NXPH1: variants seen among roughly 807,000 people sequenced by gnomAD.
NXPH1 encodes neurexophilin-1.
NXPH1 carries 5 observed loss-of-function variants against 23.7 expected under a neutral mutation model. The observed-to-expected ratio is 0.21, with a 90% CI of 0.11 to 0.44. NXPH1 has a LOEUF of 0.44. Ranked by LOEUF, NXPH1 falls within the 20% of genes least tolerant of loss-of-function variation. The pLI is 0.99. For missense variants in NXPH1, 324 were observed against 321.6 expected, an observed-to-expected ratio of 1.01 and a Z score of -0.06; for synonymous variants, 144 against 122.2, an observed-to-expected ratio of 1.18 and a Z score of -1.18.
chr7:8,739,190 A>AAAC (rs1780317984), intron 2 of NXPH1, among the ~76,000 whole-genome samples: 1 of 150,302 alleles, frequency 6.7e-6, no homozygotes, highest in African/African-American at 2.4e-5. Context: ...AAAAAAAAAA[A>AAAC]AAAAAAAAAA....
At chr7:8,501,182 G>C (rs1349748520) in intron 2 of NXPH1, among the ~76,000 whole-genome samples, 1 of 152,016 alleles carries the variant, frequency 6.6e-6, no homozygotes, top group Non-Finnish European at 1.5e-5. Context: ...CTAGGGATCT[G>C]CCTTTTCTAA....
intron 2 of NXPH1, among the ~76,000 whole-genome samples, chr7:8,610,922 G>A (rs755455620): frequency 6.6e-6 from 1 of 151,970 alleles, no homozygotes; most frequent in Non-Finnish European, 1.5e-5. Context: ...CAAGTGTGCT[G>A]GGAGGGTATC....
chr7:8,642,844 A>T (rs1446866871), intron 2 of NXPH1, among the ~76,000 whole-genome samples: 1 of 151,758 alleles, frequency 6.6e-6, no homozygotes, highest in Non-Finnish European at 1.5e-5. Flanking sequence ...ATGTCTGGGC[A>T]TATACTTTTT....
intron 2 of NXPH1, among the ~76,000 whole-genome samples, chr7:8,613,005 A>G (rs1271828857): frequency 2.6e-5 from 4 of 152,070 alleles, no homozygotes; most frequent in Admixed American, 2.0e-4. Context: ...TGAAAAAATA[A>G]TAATAAAGAT....
At chr7:8,607,847 T>G (rs920683286) in intron 2 of NXPH1, among the ~76,000 whole-genome samples, 14 of 152,208 alleles carry the variant, frequency 9.2e-5, no homozygotes, top group African/African-American at 2.9e-4. Flanking sequence ...TAAATTAAGA[T>G]GAAGTCGTAC....
At chr7:8,730,822 G>T (rs1388791914) in intron 2 of NXPH1, among the ~76,000 whole-genome samples, 2 of 150,366 alleles carry the variant, frequency 1.3e-5, no homozygotes, top group Non-Finnish European at 3.0e-5. Flanking sequence ...ATGTGTCTTG[G>T]AGTTGCTCTT....
rs1009668223 is a variant in NXPH1 at position 8,542,320 on chromosome 7, C to T, written c.54+106553C>T. On this transcript the variant is annotated intron_variant, in intron 2 of 2. Coordinates refer to ENST00000405863, the MANE Select transcript of NXPH1 (RefSeq NM_152745.3). The stretch of plus-strand genomic sequence containing the variant: ...AGCATTTATGTATCTAATTTCAGAG[C>T]TTCAAAATACATGAAGCAAAAATTG... 2.0e-5 allele frequency among the ~76,000 whole-genome samples: 3 copies of T among 151,466 alleles called. No individual in the cohort carries two copies. The East Asian group carries it at 5.9e-4, about 30-fold the overall frequency.
At chr7:8,705,704 G>T (rs1779692968) in intron 2 of NXPH1, among the ~76,000 whole-genome samples, 1 of 152,072 alleles carries the variant, frequency 6.6e-6, no homozygotes. Flanking sequence ...ATTGATCTGG[G>T]CAATAGTTTT....
At chr7:8,695,923 A>G (rs1370571596) in intron 2 of NXPH1, among the ~76,000 whole-genome samples, 1 of 152,138 alleles carries the variant, frequency 6.6e-6, no homozygotes, top group Non-Finnish European at 1.5e-5. Context: ...TCTTCTTTTT[A>G]AAAATATTGA....
intron 2 of NXPH1, among the ~76,000 whole-genome samples, chr7:8,470,033 C>A (rs1228649500): frequency 1.3e-5 from 2 of 152,118 alleles, no homozygotes; most frequent in Admixed American, 1.3e-4. Flanking sequence ...ATACATTAGA[C>A]AATATGGATT....
chr7:8,568,327 T>G (rs1053244515), intron 2 of NXPH1, among the ~76,000 whole-genome samples: 6 of 151,950 alleles, frequency 3.9e-5, no homozygotes, highest in African/African-American at 1.4e-4. Flanking sequence ...TGTATTTTCT[T>G]TAGCTACATT....
In NXPH1 at chr7:8,573,052, T is replaced by C. The variant is rs528556397; in HGVS notation, c.54+137285T>C. Among the ~76,000 whole-genome samples the C allele has an allele frequency of 5.6e-4, 85 of 152,074 alleles. 1 individual carries two copies. The highest frequency in any genetic ancestry group is 2.0e-3 in the African/African-American group (82 of 41,522). On this transcript the variant is annotated intron_variant, in intron 2 of 2. Coordinates refer to ENST00000405863, the MANE Select transcript of NXPH1 (RefSeq NM_152745.3). Reference sequence around the variant, plus strand: ...ATCTCAAGACCTAGAAATACTGATATTGTTTTGATATATTTCCATCCAGTC... The same window carrying C: ...ATCTCAAGACCTAGAAATACTGATACTGTTTTGATATATTTCCATCCAGTC...
intron 2 of NXPH1, among the ~76,000 whole-genome samples, chr7:8,470,832 C>T (rs910798625): frequency 7.9e-5 from 12 of 152,138 alleles, no homozygotes; most frequent in African/African-American, 2.6e-4. Context: ...GAACAGTCTT[C>T]GTCTTCACCA....
Position 8,572,386 on chromosome 7 carries a change from A to C in NXPH1, c.54+136619A>C, listed in dbSNP as rs574927922. ...ATTCAATTTGGAGAAAAAGAAACAG[A>C]ACAAGCTTGCTGGAAAAATTATGCC... On this transcript the variant is annotated intron_variant, in intron 2 of 2. Transcript: ENST00000405863. 2.6e-5 allele frequency among the ~76,000 whole-genome samples: 4 copies of C among 152,162 alleles called. No homozygotes were observed. The East Asian group carries it at 7.7e-4, about 29-fold the overall frequency.
At chr7:8,563,693 A>G (rs1371343202) in intron 2 of NXPH1, among the ~76,000 whole-genome samples, 1 of 151,710 alleles carries the variant, frequency 6.6e-6, no homozygotes, top group African/African-American at 2.4e-5. Flanking sequence ...CCATTTGGAA[A>G]TTCCTCCTTC....
intron 2 of NXPH1, among the ~76,000 whole-genome samples, chr7:8,464,630 A>C (rs1816749518): frequency 6.6e-6 from 1 of 152,172 alleles, no homozygotes; most frequent in East Asian, 1.9e-4. Context: ...TAGTTCTGTT[A>C]AGGCAACCTA....
At chr7:8,617,061 G>A (rs904488897) in intron 2 of NXPH1, among the ~76,000 whole-genome samples, 1 of 152,018 alleles carries the variant, frequency 6.6e-6, no homozygotes, top group Non-Finnish European at 1.5e-5. Flanking sequence ...ACAATGTTTG[G>A]AAATACTTTT....
chr7:8,670,930 A>ATAGCACC (rs1820859180), intron 2 of NXPH1, among the ~76,000 whole-genome samples: 1 of 152,158 alleles, frequency 6.6e-6, no homozygotes, highest in African/African-American at 2.4e-5. Context: ...ATCTAAGCTG[A>ATAGCACC]TAGCACCTCT....
chr7:8,739,196 A>AAAC (rs1780318719), intron 2 of NXPH1, among the ~76,000 whole-genome samples: 4 of 132,954 alleles, frequency 3.0e-5, no homozygotes, highest in Admixed American at 2.2e-4. Context: ...AAAAAAAAAA[A>AAAC]AAAAAAAACC....
Sources: gnomAD v4.1 joint callset for allele counts (sites outside exome capture counted in the v4.1 genomes callset) on GRCh38, gnomAD v4.1.1 for gene constraint, MANE v1.5 for transcripts, NCBI Gene and HGNC (gene_info 2026-07-23, HGNC 2026-07-21) for gene names.